The following SYNE2 variants were observed in gnomAD, a reference collection of about 807,000 sequenced individuals.
SYNE2 encodes the protein nesprin-2.
Under a neutral mutation model 856.3 loss-of-function variants are expected in SYNE2, and 431 were observed. The ratio of observed to expected loss-of-function variants is 0.50; its 90% CI spans 0.47 to 0.55. The LOEUF is 0.55. Among genes scored for constraint, SYNE2 ranks in the 20% least tolerant of loss-of-function variants. SYNE2 has a pLI of 0.00. For synonymous variants in SYNE2, 2,923 were observed against 2,872.3 expected (o/e 1.02, Z -0.56); for missense variants, 8,129 against 8,023.2 (o/e 1.01, Z -0.50).
intron 74 of SYNE2, among the ~76,000 whole-genome samples, 158 bp downstream of exon 74, chr14:64,128,711 T>C (rs932001995): frequency 6.6e-6 from 1 of 152,192 alleles, no homozygotes; most frequent in Non-Finnish European, 1.5e-5. Context: ...TAAAAACATC[T>C]CCTAATTTTC....
intron 1 of SYNE2, among the ~76,000 whole-genome samples, chr14:63,789,102 A>C (rs1298369986): frequency 6.6e-6 from 1 of 152,224 alleles, no homozygotes; most frequent in Admixed American, 6.5e-5. Context: ...TAATTTTCTT[A>C]GTTTTCATTA....
At chr14:63,986,370 G>T in intron 18 of SYNE2, 86 bp from the exon 19 acceptor site, 2 of 1,426,942 alleles carry the variant, frequency 1.4e-6, no homozygotes, top group Non-Finnish European at 1.9e-6. Flanking sequence ...AAAGAGCTGG[G>T]ATTACAGGTG....
At chr14:63,919,459 T>C (rs1296418530) in intron 2 of SYNE2, among the ~76,000 whole-genome samples, 1 of 152,178 alleles carries the variant, frequency 6.6e-6, no homozygotes, top group Non-Finnish European at 1.5e-5. Context: ...AGCAAGGTTG[T>C]TGAATTCATG....
At chr14:64,110,377 G>T (rs1228969255) in intron 65 of SYNE2, among the ~76,000 whole-genome samples, 1 of 152,090 alleles carries the variant, frequency 6.6e-6, no homozygotes, top group East Asian at 1.9e-4. Context: ...GATACTAAAA[G>T]GTTGGTGAAA....
intron 8 of SYNE2, among the ~76,000 whole-genome samples, chr14:63,957,478 A>G (rs2096255394): frequency 6.6e-6 from 1 of 151,646 alleles, no homozygotes; most frequent in Non-Finnish European, 1.5e-5. Context: ...TATGTTGTCC[A>G]GGCTGGTCTT....
At chr14:64,049,429 A>AATAAT in intron 46 of SYNE2, 182 bp from the exon 47 acceptor site, 1 of 168,876 alleles carries the variant, frequency 5.9e-6, no homozygotes, top group Admixed American at 6.9e-5. Flanking sequence ...CTGGGTGACA[A>AATAAT]AATAATAATA....
intron 19 of SYNE2, among the ~76,000 whole-genome samples, chr14:63,989,329 G>A (rs1285731465): frequency 6.6e-6 from 1 of 152,034 alleles, no homozygotes; most frequent in African/African-American, 2.4e-5. Context: ...TAGCAGATCA[G>A]ATTTTATTTT....
At chr14:64,140,202 G>T in intron 80 of SYNE2, 129 bp downstream of exon 80, 1 of 859,784 alleles carries the variant, frequency 1.2e-6, no homozygotes, top group African/African-American at 1.7e-5. Context: ...GCGAATGGCA[G>T]CTGTGTTCTT....
chr14:63,810,984 G>A (rs868713250), intron 1 of SYNE2, among the ~76,000 whole-genome samples: 1 of 151,598 alleles, frequency 6.6e-6, no homozygotes, highest in South Asian at 2.1e-4. Flanking sequence ...ACAGGTGCCC[G>A]CCACCACCTC....
chr14:63,965,600 T>G (rs1391108442), intron 10 of SYNE2, among the ~76,000 whole-genome samples: 1 of 152,230 alleles, frequency 6.6e-6, no homozygotes. Flanking sequence ...TGCTTTGTCC[T>G]GAACAAGCTG....
intron 99 of SYNE2, among the ~76,000 whole-genome samples, chr14:64,193,410 C>T (rs556055459): frequency 5.3e-5 from 8 of 152,174 alleles, no homozygotes; most frequent in South Asian, 2.1e-4. Flanking sequence ...ACTACCTGGG[C>T]GTGGTGGTGC....
chr14:63,773,901 G>A (rs1047957571), intron 1 of SYNE2, among the ~76,000 whole-genome samples: 34 of 152,288 alleles, frequency 2.2e-4, no homozygotes, highest in African/African-American at 6.3e-4. Flanking sequence ...TTTGAAATAC[G>A]ATTATATATT....
At chr14:63,842,491 G>A (rs1890102517) in intron 1 of SYNE2, among the ~76,000 whole-genome samples, 1 of 144,484 alleles carries the variant, frequency 6.9e-6, no homozygotes, top group Non-Finnish European at 1.5e-5. Context: ...ACAGAGTCTT[G>A]CTCTTGTTGC....
chr14:63,872,432 C>CA (rs35493713), intron 1 of SYNE2, among the ~76,000 whole-genome samples: 55 of 142,122 alleles, frequency 3.9e-4, no homozygotes, highest in Admixed American at 8.4e-4. Flanking sequence ...GACACCATCT[C>CA]AAAAAAAAAA....
At chr14:63,916,956 A>T (rs531566054) in intron 2 of SYNE2, among the ~76,000 whole-genome samples, 4 of 152,062 alleles carry the variant, frequency 2.6e-5, no homozygotes, top group African/African-American at 9.6e-5. Flanking sequence ...TGGGCATGGC[A>T]ACATTCCCCT....
intron 50 of SYNE2, 44 bp from the exon 51 acceptor site, chr14:64,065,388 C>CG: frequency 6.5e-7 from 1 of 1,548,304 alleles, no homozygotes; most frequent in East Asian, 2.3e-5. Context: ...TCAGGAAAAC[C>CG]ATAATAGTAT....
At chr14:64,216,820 G>C (rs2098668705) in intron 108 of SYNE2, among the ~76,000 whole-genome samples, 1 of 152,182 alleles carries the variant, frequency 6.6e-6, no homozygotes, top group Admixed American at 6.5e-5. Context: ...TGCCTCCTGG[G>C]TTCAAGTGAT....
chr14:64,118,048 A>G (rs2097864967), intron 66 of SYNE2, among the ~76,000 whole-genome samples: 1 of 152,254 alleles, frequency 6.6e-6, no homozygotes, highest in Admixed American at 6.5e-5. Context: ...GGGGCCTGTT[A>G]CAGCTTGCTT....
chr14:64,216,513 T>TA, intron 108 of SYNE2, 126 bp downstream of exon 108: 1 of 1,093,844 alleles, frequency 9.1e-7, no homozygotes, highest in Non-Finnish European at 1.4e-6. Flanking sequence ...TTGGTTTTCT[T>TA]ATGGTGACAG....
Sources: gnomAD v4.1 joint callset for allele counts (sites outside exome capture counted in the v4.1 genomes callset) on GRCh38, gnomAD v4.1.1 for gene constraint, MANE v1.5 for transcripts, NCBI Gene and HGNC (gene_info 2026-07-23, HGNC 2026-07-21) for gene names.